The following UBE3D variants were observed in gnomAD, a reference collection of about 807,000 sequenced individuals.
UBE3D encodes E3 ubiquitin-protein ligase E3D.
In UBE3D, 48 loss-of-function variants were observed where a neutral mutation model predicts 49.6. The ratio of observed to expected loss-of-function variants is 0.97; its 90% CI spans 0.77 to 1.23. The LOEUF is 1.23. Among genes scored for constraint, UBE3D ranks in the 50% most tolerant of loss-of-function variants. UBE3D has a pLI of 0.00. For synonymous variants in UBE3D, 189 were observed against 174.2 expected (o/e 1.08, Z -0.67); for missense variants, 452 against 468.4 (o/e 0.96, Z 0.32).
intron 9 of UBE3D, among the ~76,000 whole-genome samples, chr6:82,915,009 C>A (rs909755006): frequency 6.6e-6 from 1 of 152,156 alleles, no homozygotes; most frequent in Non-Finnish European, 1.5e-5. Flanking sequence ...GTGGATTGCC[C>A]ACCTTTTTCT....
Position 83,065,704 on chromosome 6 carries a change from C to G in UBE3D, c.15G>C (p.Ala5=). ...CCTCCAGAAACACGCGCGTCTCCGC[C>G]GCAGAAGCCGCCATGGCAGGCTTCC... is the stretch of plus-strand genomic sequence containing the variant. MAAS[A]AETRVFLEVR... Residue 5 remains alanine, a synonymous_variant, in exon 1 of 10, where the codon GCG becomes GCC. Coordinates refer to ENST00000369747, the MANE Select transcript of UBE3D (RefSeq NM_198920.3). 6.2e-7 allele frequency: 1 copy of G among 1,611,230 alleles called. No homozygotes were observed. The highest frequency in any genetic ancestry group is 8.5e-7 in the Non-Finnish European group (1 of 1,179,068).
At chr6:82,923,512 G>A (rs913626290) in intron 9 of UBE3D, among the ~76,000 whole-genome samples, 5 of 152,172 alleles carry the variant, frequency 3.3e-5, no homozygotes, top group Non-Finnish European at 5.9e-5. Flanking sequence ...TGAACAATGA[G>A]AACACATGGA....
chr6:83,052,684 A>C (rs1248022002), intron 3 of UBE3D, among the ~76,000 whole-genome samples: 1 of 152,060 alleles, frequency 6.6e-6, no homozygotes, highest in Non-Finnish European at 1.5e-5. Context: ...GGGGAAAGAG[A>C]TATGAAATGT....
chr6:82,903,094 G>A (rs1771853306), intron 9 of UBE3D, among the ~76,000 whole-genome samples: 1 of 151,992 alleles, frequency 6.6e-6, no homozygotes. Context: ...AACTTTAATT[G>A]ACGAAGGAAT....
chr6:83,033,378 A>G lies in UBE3D; in HGVS notation c.667+5038T>C, dbSNP rs974346614. ...TTTATGAGATTTAAAGGAGACAAAC[A>G]TCAGAACTATATCACTGATATGGTT... is the stretch of plus-strand genomic sequence containing the variant. On this transcript the variant is annotated intron_variant, in intron 5 of 9. Coordinates refer to ENST00000369747, the MANE Select transcript of UBE3D (RefSeq NM_198920.3). 3.3e-5 allele frequency among the ~76,000 whole-genome samples: 5 copies of G among 152,204 alleles called. No homozygotes were observed. The South Asian group carries it at 6.2e-4, about 19-fold the overall frequency.
intron 8 of UBE3D, 77 bp downstream of exon 8, chr6:83,018,896 T>A: frequency 6.5e-7 from 1 of 1,537,240 alleles, no homozygotes; most frequent in Non-Finnish European, 8.9e-7. Flanking sequence ...GGCATTTAAT[T>A]CATTAATTTC....
At chr6:82,900,767 CA>C (rs916401012) in intron 9 of UBE3D, among the ~76,000 whole-genome samples, 3 of 152,122 alleles carry the variant, frequency 2.0e-5, no homozygotes, top group Non-Finnish European at 2.9e-5. Context: ...TTCTGTCCAG[CA>C]GGAAGAATGG....
At chr6:82,973,480 A>G (rs1419459657) in intron 8 of UBE3D, among the ~76,000 whole-genome samples, 1 of 152,182 alleles carries the variant, frequency 6.6e-6, no homozygotes. Flanking sequence ...GTAGAACAAA[A>G]TATTTTTAAA....
chr6:82,939,523 C>T (rs1774847881), intron 9 of UBE3D, among the ~76,000 whole-genome samples: 1 of 152,178 alleles, frequency 6.6e-6, no homozygotes, highest in Admixed American at 6.5e-5. Flanking sequence ...CATATTTTTA[C>T]TGTACCTTTT....
chr6:82,947,250 T>A (rs1582432921), intron 9 of UBE3D, among the ~76,000 whole-genome samples: 1 of 152,154 alleles, frequency 6.6e-6, no homozygotes, highest in East Asian at 1.9e-4. Flanking sequence ...CAAAATGATA[T>A]AATGATTGTA....
intron 8 of UBE3D, among the ~76,000 whole-genome samples, chr6:82,996,466 A>T (rs1366096081): frequency 6.6e-6 from 1 of 152,228 alleles, no homozygotes; most frequent in African/African-American, 2.4e-5. Flanking sequence ...TTGCCTAAAA[A>T]TTCCAAATAA....
At position 82,919,711 on chromosome 6, in the gene UBE3D, T is replaced by C. The variant is rs149478324; in HGVS notation, c.1150-26669A>G. Among the ~76,000 whole-genome samples the C allele has an allele frequency of 9.2e-3, 1,390 of 151,838 alleles. 20 individuals are homozygous for C. Among genetic ancestry groups the C allele is most frequent in the African/African-American group, 0.032 (1,321 of 41,386 alleles). On this transcript the variant is annotated intron_variant, in intron 9 of 9. Transcript: ENST00000369747. ...AGACCCTGGAGGTAACAGCACAAGGTTCAATTACTAGCATGGCATAGAGGA... is the reference window on the plus strand; with the variant it reads ...AGACCCTGGAGGTAACAGCACAAGGCTCAATTACTAGCATGGCATAGAGGA...
At position 82,976,190 on chromosome 6, in the gene UBE3D, C is replaced by T. The variant is rs376835417; in HGVS notation, c.1011-18740G>A. 2.8e-4 allele frequency among the ~76,000 whole-genome samples: 43 copies of T among 152,316 alleles called. No homozygotes were observed. In the East Asian group the frequency reaches 5.4e-3, roughly 19 times the overall value. ...CTTTGGAGATCGGTGTCCAACCAAA[C>T]ACTCAACCTAACATCCATTCATATT... On this transcript the variant is annotated intron_variant, in intron 8 of 9. Coordinates refer to ENST00000369747, the MANE Select transcript of UBE3D (RefSeq NM_198920.3).
At chr6:83,014,352 C>T (rs1780546447) in intron 8 of UBE3D, among the ~76,000 whole-genome samples, 2 of 152,216 alleles carry the variant, frequency 1.3e-5, no homozygotes, top group Admixed American at 6.5e-5. Context: ...AGAGTCAGCT[C>T]TAATGGTTTC....
chr6:83,056,166 C>T (rs1783803128), intron 2 of UBE3D, among the ~76,000 whole-genome samples: 1 of 152,140 alleles, frequency 6.6e-6, no homozygotes. Context: ...AAAAATAATT[C>T]CAGTTTTGAT....
chr6:83,031,152 C>T (rs1314514084), intron 5 of UBE3D, among the ~76,000 whole-genome samples: 7 of 152,062 alleles, frequency 4.6e-5, no homozygotes, highest in Non-Finnish European at 1.0e-4. Flanking sequence ...GGCCTACAGG[C>T]GTGCACCAAT....
intron 9 of UBE3D, among the ~76,000 whole-genome samples, chr6:82,912,305 G>C (rs571460390): frequency 6.6e-6 from 1 of 151,554 alleles, no homozygotes; most frequent in East Asian, 1.9e-4. Flanking sequence ...GTTATTCTAT[G>C]CTTTTTTTCT....
intron 1 of UBE3D, 81 bp from the exon 2 acceptor site, chr6:83,058,103 A>G (rs905304446): frequency 2.1e-6 from 3 of 1,398,584 alleles, no homozygotes; most frequent in African/African-American, 2.9e-5. Context: ...ATGGCCAAGG[A>G]TCTCTTTCTT....
intron 9 of UBE3D, among the ~76,000 whole-genome samples, chr6:82,893,449 T>C (rs1212548150): frequency 1.3e-5 from 2 of 152,186 alleles, no homozygotes; most frequent in African/African-American, 4.8e-5. Flanking sequence ...TCCTAGGTCA[T>C]TGTGATACTT....
Sources: allele counts gnomAD v4.1 joint callset (sites outside exome capture counted in the v4.1 genomes callset), GRCh38; gene constraint gnomAD v4.1.1; transcripts MANE v1.5; gene names NCBI Gene and HGNC (gene_info 2026-07-23, HGNC 2026-07-21).